Variants in SACS observed in about 807,000 individuals in gnomAD.
The protein encoded by SACS is sacsin.
Under a neutral mutation model 348.0 loss-of-function variants are expected in SACS, and 197 were observed. The observed-to-expected ratio is 0.57, with a 90% confidence interval of 0.50 to 0.64. The LOEUF (loss-of-function observed/expected upper bound fraction) is 0.64. Among genes scored for constraint, SACS ranks in the 30% least tolerant of loss-of-function variants. The pLI, the probability that SACS is intolerant of heterozygous loss-of-function variation, is 0.00. For missense variants in SACS, 4,999 were observed against 5,360.8 expected (o/e 0.93, Z 2.11); for synonymous variants, 1,985 against 1,910.6 (o/e 1.04, Z -1.02).
chr13:23,394,912 C>G (rs578162710), intron 2 of SACS, among the ~76,000 whole-genome samples: 2 of 152,310 alleles, frequency 1.3e-5, no homozygotes, highest in Non-Finnish European at 2.9e-5. Flanking sequence ...TCATTGGATC[C>G]TTGGACCTCT....
Position 23,331,400 on chromosome 13 carries a change from G to T in SACS, c.12476C>A (p.Pro4159Gln). 6.2e-7 allele frequency: 1 copy of T among 1,614,038 alleles called. No individual in the cohort carries two copies. The highest frequency in any genetic ancestry group is 8.5e-7 in the Non-Finnish European group (1 of 1,179,946). Residue 4159 changes from proline (P) to glutamine (Q), a missense_variant, in exon 10 of 10, where the codon CCA becomes CAA. By Grantham distance (76) the Pro-to-Gln change is moderately conservative. This residue lies in a region of SACS where 831 missense variants were observed against 941.8 expected (regional missense o/e 0.88). Coordinates refer to ENST00000382292, the MANE Select transcript of SACS (RefSeq NM_014363.6). Reference protein sequence around the residue: ...SKLELPMPGTPIPAEIHYTLL... With the variant: ...SKLELPMPGTQIPAEIHYTLL... ...AGTGTAATGAATTTCAGCAGGAATT[G>T]GTGTGCCAGGCATTGGAAGTTCCAG...
intron 9 of SACS, among the ~76,000 whole-genome samples, chr13:23,344,305 T>C (rs981805857): frequency 2.6e-5 from 4 of 152,194 alleles, no homozygotes; most frequent in African/African-American, 9.7e-5. Flanking sequence ...CCAATAGCCT[T>C]GCATGAAATT....
chr13:23,385,929 A>C (rs1872275433), intron 2 of SACS, among the ~76,000 whole-genome samples: 1 of 152,222 alleles, frequency 6.6e-6, no homozygotes. Context: ...GTCAATAAGC[A>C]GTAATATTTT....
rs368600788 is a variant in SACS, at chr13:23,341,400, C to T, written c.2476G>A (p.Val826Ile). The T allele has an allele frequency of 3.7e-6, 6 of 1,611,238 alleles. No individual in the cohort carries two copies. The African/African-American group carries it at 8.0e-5, about 22-fold the overall frequency. Reference protein sequence around the residue: ...ELIRLRIPSLVILDDESEAQL... With the variant: ...ELIRLRIPSLIILDDESEAQL... ...GCTTCAGATTCATCGTCTAAAATGACTAACGATGGAATCCTGAGTCTAATG... is the reference window on the plus strand; with the variant it reads ...GCTTCAGATTCATCGTCTAAAATGATTAACGATGGAATCCTGAGTCTAATG... Residue 826 changes from valine to isoleucine, a missense_variant, in exon 10 of 10, where the codon GTC becomes ATC. By Grantham distance (29) the Val-to-Ile change is conservative. Around this residue, in one of 6 missense-constraint regions of SACS, gnomAD observed 3,156 missense variants for 3,380.1 expected, o/e 0.93. Transcript: ENST00000382292.
intron 9 of SACS, among the ~76,000 whole-genome samples, chr13:23,345,716 T>A (rs897941305): frequency 5.3e-5 from 8 of 152,286 alleles, no homozygotes; most frequent in African/African-American, 1.9e-4. Flanking sequence ...AACCCAAAAA[T>A]TTTTATATGA....
At chr13:23,433,078 A>G (rs779721527) in intron 1 of SACS, among the ~76,000 whole-genome samples, 1 of 152,232 alleles carries the variant, frequency 6.6e-6, no homozygotes. Flanking sequence ...TTCAAATATT[A>G]TATAAGATAA....
At chr13:23,419,528 G>T (rs1301543919) in intron 1 of SACS, among the ~76,000 whole-genome samples, 1 of 152,152 alleles carries the variant, frequency 6.6e-6, no homozygotes, top group African/African-American at 2.4e-5. Context: ...GAAACCGGGC[G>T]TGTTATGTCT....
At chr13:23,429,645 G>A (rs144303160) in intron 1 of SACS, among the ~76,000 whole-genome samples, 2,050 of 151,870 alleles carry the variant, frequency 0.013, 24 homozygotes, top group Middle Eastern at 0.021. Context: ...TTACAGGCGT[G>A]AGCCACCGTG....
At chr13:23,386,831 T>A (rs1872308782) in intron 2 of SACS, among the ~76,000 whole-genome samples, 1 of 152,196 alleles carries the variant, frequency 6.6e-6, no homozygotes, top group Non-Finnish European at 1.5e-5. Flanking sequence ...CTAATTTCAA[T>A]ACTGTTGTGT....
At chr13:23,384,711 T>C (rs1197787917) in intron 2 of SACS, among the ~76,000 whole-genome samples, 2 of 152,150 alleles carry the variant, frequency 1.3e-5, no homozygotes, top group Non-Finnish European at 2.9e-5. Context: ...ATTCAGACTG[T>C]GGAGGACCAG....
chr13:23,355,001 C>T lies in SACS; in HGVS notation c.1611G>A (p.Glu537=). 6.2e-7 allele frequency: 1 copy of T among 1,614,248 alleles called. No homozygotes were observed. The highest frequency in any genetic ancestry group is 2.2e-5 in the East Asian group (1 of 44,884). Residue 537 remains glutamate, a synonymous_variant, in exon 8 of 10, where the codon GAG becomes GAA. Coordinates refer to ENST00000382292, the MANE Select transcript of SACS (RefSeq NM_014363.6). ...GCCAGTGCACCTTGACTTTGCTCGC[C>T]TCCGGCCAAAGCTTATAGATAACAT... ...SVDVIYKLWP[E]ASKVKVHWQP...
Position 23,341,936 on chromosome 13 carries a change from G to A in SACS, c.2186-246C>T, listed in dbSNP as rs371405107. On this transcript the variant is annotated intron_variant, in intron 9 of 9. Coordinates refer to ENST00000382292, the MANE Select transcript of SACS (RefSeq NM_014363.6). ...CGAGTAGCTGGGACTACAAGGGCCCGCCACCACACCCAGTTAATTTTTTTG... is the reference window on the plus strand; with the variant it reads ...CGAGTAGCTGGGACTACAAGGGCCCACCACCACACCCAGTTAATTTTTTTG... 1.7e-4 allele frequency among the ~76,000 whole-genome samples: 26 copies of A among 151,926 alleles called. No individual in the cohort carries two copies. In the East Asian group the frequency reaches 3.7e-3, roughly 22 times the overall value.
At chr13:23,407,118 C>T (rs1173000247) in intron 2 of SACS, among the ~76,000 whole-genome samples, 3 of 152,204 alleles carry the variant, frequency 2.0e-5, no homozygotes, top group African/African-American at 7.2e-5. Flanking sequence ...TTCTGCCACC[C>T]GAAGATACTG....
Position 23,336,873 on chromosome 13 carries a change from T to A in SACS, c.7003A>T (p.Met2335Leu), listed in dbSNP as rs143414642. ...GGTTTTAACTTATCAATAATTGACA[T>A]CTTAGTGATTTCATTTTGCATCAAG... ...EALMQNEITK[M>L]SIIDKLKPFS... The change falls in exon 10 of 10, where the codon ATG (methionine) becomes TTG (leucine). Residue 2335 changes from methionine to leucine, a missense_variant. Met to Leu is a conservative substitution (Grantham distance 15). Around this residue, in one of 6 missense-constraint regions of SACS, gnomAD observed 3,156 missense variants for 3,380.1 expected, o/e 0.93. Transcript: ENST00000382292. The A allele has an allele frequency of 6.2e-7, 1 of 1,613,454 alleles. No individual in the cohort carries two copies. Among genetic ancestry groups the A allele is most frequent in the South Asian group, 1.1e-5 (1 of 91,046 alleles).
chr13:23,410,991 G>A (rs567584086), intron 2 of SACS, among the ~76,000 whole-genome samples: 2 of 152,252 alleles, frequency 1.3e-5, no homozygotes, highest in Admixed American at 6.5e-5. Flanking sequence ...AGCCTCACCA[G>A]TATAAACAAA....
chr13:23,337,139 T>TA lies in SACS; in HGVS notation c.6736dup (p.Tyr2246LeufsTer4). 5 of 1,614,024 alleles carry TA rather than the reference T, an allele frequency of 3.1e-6. No homozygotes were observed. The highest frequency in any genetic ancestry group is 4.2e-6 in the Non-Finnish European group (5 of 1,179,924). ...AACTATATCTTGATGTTCAGCTGTA[T>TA]AAAGGTCAGTTGCTGCAAACATGGT... On this transcript the variant is annotated frameshift_variant, in exon 10 of 10. Transcript: ENST00000382292. LOFTEE classifies it high-confidence loss of function.
In SACS at chr13:23,340,568, A is replaced by T; in HGVS notation, c.3308T>A (p.Val1103Asp). The change falls in exon 10 of 10, where the codon GTT becomes GAT. Residue 1103 changes from valine (V) to aspartate (D), a missense_variant. Physicochemically the swap from Val to Asp is radical, Grantham distance 152. Coordinates refer to ENST00000382292, the MANE Select transcript of SACS (RefSeq NM_014363.6). ...KNEASLKEKDVVQVAKKIEAL... is the reference protein window; with the variant it reads ...KNEASLKEKDDVQVAKKIEAL... ...TTCAATTTTTTTTGCCACTTGCACA[A>T]CATCCTTTTCTTTGAGACTGGCTTC... The T allele has an allele frequency of 6.2e-7, 1 of 1,613,682 alleles. No individual in the cohort carries two copies. Among genetic ancestry groups the T allele is most frequent in the Non-Finnish European group, 8.5e-7 (1 of 1,179,912 alleles).
Position 23,375,262 on chromosome 13 carries a change from G to A in SACS, c.28C>T (p.Pro10Ser), listed in dbSNP as rs774325388. ...ACGCAGCCGGGGAGCACGGTCACCG[G>A]GACCCACCTGTGGAAAGCAGAGGGA... METKENRWV[P>S]VTVLPGCVGC... Residue 10 changes from proline to serine, a missense_variant, in exon 3 of 10, where the codon CCG (proline) becomes TCG (serine). By Grantham distance (74) the Pro-to-Ser change is moderately conservative (BLOSUM62 -1). This residue lies in a region of SACS where 3,156 missense variants were observed against 3,380.1 expected (regional missense o/e 0.93). Transcript: ENST00000382292. 8 of 1,472,440 alleles carry A rather than the reference G, an allele frequency of 5.4e-6. No individual in the cohort carries two copies. The African/African-American group carries it at 1.2e-4, about 22-fold the overall frequency. The allele number at this position is 1,472,440 out of a possible 1,614,324, so 91.2% of individuals were successfully genotyped here.
At position 23,329,861 on chromosome 13, in the gene SACS, G is replaced by A. The variant is rs922159822; in HGVS notation, c.*275C>T. The A allele has an allele frequency of 1.9e-5, 10 of 515,746 alleles. No individual in the cohort carries two copies. The highest frequency in any genetic ancestry group is 3.5e-5 in the Non-Finnish European group (10 of 288,198). 31.9% of individuals were successfully genotyped at this position (515,746 alleles called of 1,614,324 possible). ...TTATCTAACAAACTGCTAAGCTTTG[G>A]TTATATAAAGTGCAGTTCAATGATG... is the stretch of plus-strand genomic sequence containing the variant. On this transcript the variant is annotated 3_prime_UTR_variant, in exon 10 of 10. Coordinates refer to ENST00000382292, the MANE Select transcript of SACS (RefSeq NM_014363.6).
Sources: gnomAD v4.1 joint callset for allele counts (sites outside exome capture counted in the v4.1 genomes callset) on GRCh38, gnomAD v4.1.1 for gene constraint, gnomAD v4.1.1 regional missense constraint, MANE v1.5 for transcripts, NCBI Gene and HGNC (gene_info 2026-07-23, HGNC 2026-07-21) for gene names.